Variants in LGSN observed in about 807,000 individuals in gnomAD.
LGSN encodes lengsin.
A neutral mutation model predicts 19.5 loss-of-function variants in LGSN; 21 were observed. The ratio of observed to expected loss-of-function variants is 1.07; its 90% CI spans 0.76 to 1.55. The LOEUF (loss-of-function observed/expected upper bound fraction) is 1.55. Among genes scored for constraint, LGSN ranks in the 40% most tolerant of loss-of-function variants. The pLI is 0.00. For missense variants in LGSN, 673 were observed against 608.5 expected, an observed-to-expected ratio of 1.11 and a Z score of -1.12; for synonymous variants, 257 against 215.6, an observed-to-expected ratio of 1.19 and a Z score of -1.68.
At chr6:63,351,416 T>TGAGAGAGAGAGAGAGAGGAA in the LGSN span, among the ~76,000 whole-genome samples, 1 of 148,238 alleles carries the variant, frequency 6.7e-6, no homozygotes, top group Non-Finnish European at 1.5e-5. Flanking sequence ...TCTGTGTGTG[T>TGAGAGAGAGAGAGAGAGGAA]GAGAGAGAGA....
At chr6:63,511,009 A>G in the LGSN span, among the ~76,000 whole-genome samples, 1 of 151,956 alleles carries the variant, frequency 6.6e-6, no homozygotes, top group South Asian at 2.1e-4. Flanking sequence ...AGCTAGACAG[A>G]TAAGCTAATG....
chr6:63,480,039 AC>A, the LGSN span: 7 of 152,622 alleles, frequency 4.6e-5, no homozygotes, highest in African/African-American at 1.4e-4. Flanking sequence ...CTTTACAACA[AC>A]CCCAGGCACC....
the LGSN span, among the ~76,000 whole-genome samples, chr6:63,497,918 C>CTTCTTTTTTT: frequency 8.2e-6 from 1 of 121,906 alleles, no homozygotes; most frequent in Admixed American, 9.2e-5. Flanking sequence ...TGTCATGTTT[C>CTTCTTTTTTT]TTTTTTTTTT....
At chr6:63,441,418 G>A in the LGSN span, 4 of 462,144 alleles carry the variant, frequency 8.7e-6, no homozygotes, top group Non-Finnish European at 1.7e-5. Context: ...TGGACCTGAA[G>A]AATAACCTCT....
the LGSN span, among the ~76,000 whole-genome samples, chr6:63,459,871 G>A: frequency 2.6e-5 from 4 of 151,998 alleles, no homozygotes; most frequent in Non-Finnish European, 4.4e-5. Flanking sequence ...ACTCCAGCCT[G>A]GGTGACAAGA....
chr6:63,296,239 G>C (rs913351318), intron 1 of LGSN, among the ~76,000 whole-genome samples: 9 of 151,812 alleles, frequency 5.9e-5, no homozygotes, highest in African/African-American at 1.7e-4. Flanking sequence ...TCACTTATTA[G>C]AAAATTGTGG....
intron 1 of LGSN, among the ~76,000 whole-genome samples, chr6:63,296,481 T>C (rs1767980081): frequency 6.6e-6 from 1 of 151,188 alleles, no homozygotes. Context: ...TGCATATGTA[T>C]ATATTTATTT....
the LGSN span, among the ~76,000 whole-genome samples, chr6:63,346,041 C>T: frequency 4.6e-5 from 7 of 152,076 alleles, no homozygotes; most frequent in South Asian, 2.1e-4. Context: ...ATTGTGACAT[C>T]GGAAATATCT....
At chr6:63,561,489 C>A in the LGSN span, among the ~76,000 whole-genome samples, 1 of 152,190 alleles carries the variant, frequency 6.6e-6, no homozygotes, top group Non-Finnish European at 1.5e-5. Context: ...TATCTTTAGA[C>A]CTTTCTATTC....
At chr6:63,345,355 G>A in the LGSN span, among the ~76,000 whole-genome samples, 1 of 151,898 alleles carries the variant, frequency 6.6e-6, no homozygotes, top group African/African-American at 2.4e-5. Flanking sequence ...GCTAAGATTG[G>A]GTTCATTTGG....
At chr6:63,520,132 CT>C in the LGSN span, among the ~76,000 whole-genome samples, 1 of 152,212 alleles carries the variant, frequency 6.6e-6, no homozygotes, top group Non-Finnish European at 1.5e-5. Flanking sequence ...ATATTACACA[CT>C]GCTGTTGCAT....
At chr6:63,470,053 T>C in the LGSN span, among the ~76,000 whole-genome samples, 5 of 152,030 alleles carry the variant, frequency 3.3e-5, no homozygotes, top group Non-Finnish European at 5.9e-5. Flanking sequence ...TATTTGTAAT[T>C]TCATCTAATA....
At chr6:63,285,806 G>A in intron 2 of LGSN, 53 bp from the exon 3 acceptor site, 1 of 1,430,346 alleles carries the variant, frequency 7.0e-7, no homozygotes. Flanking sequence ...GGACTGAGAA[G>A]CAAAAGGAGA....
At chr6:63,332,648 T>C in the LGSN span, among the ~76,000 whole-genome samples, 1 of 152,162 alleles carries the variant, frequency 6.6e-6, no homozygotes, top group Non-Finnish European at 1.5e-5. Flanking sequence ...CGCTAGTCGC[T>C]TTCCACTGGC....
chr6:63,321,120 T>C (rs557887403), upstream of LGSN, among the ~76,000 whole-genome samples: 3 of 152,186 alleles, frequency 2.0e-5, no homozygotes, highest in Non-Finnish European at 2.9e-5. Flanking sequence ...CCTATCCTAG[T>C]ATTTGACTTG....
chr6:63,508,945 G>A, the LGSN span, among the ~76,000 whole-genome samples: 2 of 145,196 alleles, frequency 1.4e-5, no homozygotes, highest in East Asian at 4.0e-4. Context: ...AAAAAAAAGA[G>A]TATTTCTGGG....
chr6:63,420,128 G>A, the LGSN span, among the ~76,000 whole-genome samples: 1 of 151,454 alleles, frequency 6.6e-6, no homozygotes, highest in African/African-American at 2.4e-5. Flanking sequence ...GCGTGAACTC[G>A]GGAGGCGGAG....
At chr6:63,402,386 G>A in the LGSN span, among the ~76,000 whole-genome samples, 2 of 150,624 alleles carry the variant, frequency 1.3e-5, no homozygotes, top group African/African-American at 5.0e-5. Flanking sequence ...AGTAATTTAA[G>A]AACTTGACCA....
intron 1 of LGSN, among the ~76,000 whole-genome samples, chr6:63,312,847 T>C (rs955911384): frequency 2.0e-5 from 3 of 152,110 alleles, no homozygotes; most frequent in Non-Finnish European, 4.4e-5. Flanking sequence ...ATATAGGAAG[T>C]GTCAGAGACA....
Sources: gnomAD v4.1 joint callset for allele counts (sites outside exome capture counted in the v4.1 genomes callset) on GRCh38, gnomAD v4.1.1 for gene constraint, MANE v1.5 for transcripts, NCBI Gene and HGNC (gene_info 2026-07-23, HGNC 2026-07-21) for gene names.